Variants in FNBP1 observed in about 807,000 individuals in gnomAD.
FNBP1 encodes formin-binding protein 1.
A neutral mutation model predicts 90.6 loss-of-function variants in FNBP1; 26 were observed. That is an observed-to-expected ratio of 0.29 (90% CI 0.21 to 0.40). The LOEUF (loss-of-function observed/expected upper bound fraction) is 0.40. FNBP1 is among the 10% of genes least tolerant of loss of function. The pLI is 1.00. For missense variants in FNBP1, 635 were observed against 768.0 expected, an observed-to-expected ratio of 0.83 and a Z score of 2.05; for synonymous variants, 260 against 265.2, an observed-to-expected ratio of 0.98 and a Z score of 0.19.
In FNBP1 at chr9:129,900,523, G is replaced by C. The variant is rs574719725; in HGVS notation, c.1453C>G (p.Arg485Gly). 1.3e-6 allele frequency: 2 copies of C among 1,581,056 alleles called. No homozygotes were observed. Among genetic ancestry groups the C allele is most frequent in the Non-Finnish European group, 1.7e-6 (2 of 1,166,918 alleles). The change falls in exon 14 of 17, where the codon CGG becomes GGG. Residue 485 changes from arginine (R) to glycine (G), a missense_variant. By Grantham distance (125) the Arg-to-Gly change is moderately radical. Transcript: ENST00000446176. The surrounding 1 kb of genome is among the most constrained non-coding windows in gnomAD (Gnocchi z 4.1). Reference sequence around the variant, plus strand: ...GCCTGCTCGCTGCGTGCTGGGAGCCGGCCTTCAACCTCAGCCAGCCAGGCC... The same window carrying C: ...GCCTGCTCGCTGCGTGCTGGGAGCCCGCCTTCAACCTCAGCCAGCCAGGCC... The part of the protein sequence containing the change: ...FEAWLAEVEG[R>G]LPARSEQARR...
At chr9:130,035,674 C>T (rs971482430) in intron 1 of FNBP1, among the ~76,000 whole-genome samples, 5 of 152,176 alleles carry the variant, frequency 3.3e-5, no homozygotes, top group East Asian at 1.9e-4. Flanking sequence ...AGGTCAGGCA[C>T]GGTGGCTCAT....
At chr9:130,044,252 T>G (rs992701201), upstream of FNBP1, among the ~76,000 whole-genome samples, 2 of 152,158 alleles carry the variant, frequency 1.3e-5, no homozygotes, top group East Asian at 3.8e-4. Flanking sequence ...GGCCCCCAGT[T>G]AAAAAATATT....
rs577172467 is a variant in FNBP1 at position 130,011,579 on chromosome 9, G to A, written c.25-16621C>T. On this transcript the variant is annotated intron_variant, in intron 1 of 16. Coordinates refer to ENST00000446176, the MANE Select transcript of FNBP1 (RefSeq NM_015033.3). ...TTGCTCTTCCATCCCTTCCCCATGT[G>A]GCAACACCAACACCTAGATAGCACC... Among the ~76,000 whole-genome samples the A allele has an allele frequency of 1.1e-3, 163 of 151,954 alleles. 1 individual carries two copies. The highest frequency in any genetic ancestry group is 3.7e-3 in the African/African-American group (153 of 41,430).
chr9:129,999,240 C>T (rs536042794), intron 1 of FNBP1, among the ~76,000 whole-genome samples: 15 of 152,256 alleles, frequency 9.9e-5, no homozygotes, highest in African/African-American at 3.6e-4. Flanking sequence ...ATCAAAAATG[C>T]ATCCCTTCCT....
intron 1 of FNBP1, among the ~76,000 whole-genome samples, chr9:130,032,253 C>A (rs1199660424): frequency 6.6e-6 from 1 of 151,976 alleles, no homozygotes; most frequent in Non-Finnish European, 1.5e-5. Flanking sequence ...TGCAGCCAGC[C>A]TCCAACTCCT....
intron 1 of FNBP1, among the ~76,000 whole-genome samples, chr9:130,023,059 C>T (rs2058001217): frequency 6.6e-6 from 1 of 152,054 alleles, no homozygotes. Flanking sequence ...GAAACCCCCA[C>T]CAAGATATTA....
At chr9:130,026,774 A>C (rs749519577) in intron 1 of FNBP1, among the ~76,000 whole-genome samples, 28 of 151,914 alleles carry the variant, frequency 1.8e-4, no homozygotes, top group Non-Finnish European at 4.0e-4. Context: ...GTAACATGGC[A>C]AAACCCTGTC....
chr9:129,958,282 AT>A (rs1200390260), intron 5 of FNBP1, among the ~76,000 whole-genome samples: 1 of 152,080 alleles, frequency 6.6e-6, no homozygotes, highest in Non-Finnish European at 1.5e-5. Flanking sequence ...AAATACAAAA[AT>A]TAGCCGGGCA....
At chr9:129,940,086 A>C (rs1282788652) in intron 6 of FNBP1, among the ~76,000 whole-genome samples, 1 of 152,112 alleles carries the variant, frequency 6.6e-6, no homozygotes, top group Non-Finnish European at 1.5e-5. Flanking sequence ...CTGTAGTCCT[A>C]GCTATTCCAG....
intron 6 of FNBP1, among the ~76,000 whole-genome samples, chr9:129,933,816 A>G (rs958228249): frequency 6.6e-6 from 1 of 152,154 alleles, no homozygotes; most frequent in East Asian, 1.9e-4. Context: ...AGATTCTCCA[A>G]AGCCGCAGCA....
intron 1 of FNBP1, among the ~76,000 whole-genome samples, chr9:130,015,720 A>G (rs541132771): frequency 1.4e-4 from 22 of 152,142 alleles, no homozygotes; most frequent in African/African-American, 5.3e-4. Context: ...TGTTGCCTGG[A>G]CTGGAATGCA....
At chr9:129,988,515 A>G (rs772864559) in intron 2 of FNBP1, among the ~76,000 whole-genome samples, 1 of 152,006 alleles carries the variant, frequency 6.6e-6, no homozygotes, top group Non-Finnish European at 1.5e-5. Context: ...TGTCTCTACT[A>G]AAAATACAAA....
At chr9:129,979,831 T>C (rs1417796144) in intron 2 of FNBP1, among the ~76,000 whole-genome samples, 1 of 151,622 alleles carries the variant, frequency 6.6e-6, no homozygotes, top group Non-Finnish European at 1.5e-5. Context: ...TTAGTAGAGA[T>C]GGGGTGTCAT....
intron 4 of FNBP1, among the ~76,000 whole-genome samples, chr9:129,975,213 C>T (rs967940456): frequency 3.9e-5 from 6 of 152,328 alleles, no homozygotes; most frequent in African/African-American, 9.6e-5. Context: ...AGCGAGACTC[C>T]GTCTCAAACA....
the FNBP1 span, among the ~76,000 whole-genome samples, chr9:130,053,061 A>G: frequency 6.6e-6 from 1 of 152,158 alleles, no homozygotes; most frequent in Non-Finnish European, 1.5e-5. Context: ...GGTTGCAGTG[A>G]GCTGAGATCG....
chr9:129,973,094 T>G (rs1021858230), intron 4 of FNBP1, among the ~76,000 whole-genome samples: 3 of 152,076 alleles, frequency 2.0e-5, no homozygotes, highest in East Asian at 3.9e-4. Context: ...CTGAGCAGGG[T>G]TGTTGGCTGG....
intron 1 of FNBP1, among the ~76,000 whole-genome samples, chr9:130,024,595 A>G (rs1376303872): frequency 6.6e-6 from 1 of 152,078 alleles, no homozygotes. Context: ...TCTTTATCCC[A>G]CCCAACTACT....
chr9:129,932,159 C>A (rs979074755), intron 6 of FNBP1, among the ~76,000 whole-genome samples: 2 of 148,694 alleles, frequency 1.3e-5, no homozygotes, highest in Non-Finnish European at 3.0e-5. Context: ...TGCAGCGAGC[C>A]GAGATCGCAC....
intron 4 of FNBP1, among the ~76,000 whole-genome samples, chr9:129,959,278 C>T (rs999409190): frequency 2.0e-5 from 3 of 151,228 alleles, no homozygotes; most frequent in Non-Finnish European, 1.5e-5. Flanking sequence ...GCCTGAGTGA[C>T]AGAATGAGAC....
Sources: allele counts gnomAD v4.1 joint callset (sites outside exome capture counted in the v4.1 genomes callset), GRCh38; gene constraint gnomAD v4.1.1; non-coding constraint Gnocchi (gnomAD v3.1); transcripts MANE v1.5; gene names NCBI Gene and HGNC (gene_info 2026-07-23, HGNC 2026-07-21).